Variants in ATP9B observed in about 807,000 individuals in gnomAD.
ATP9B encodes the protein probable phospholipid-transporting ATPase IIB.
A neutral mutation model predicts 146.1 loss-of-function variants in ATP9B; 110 were observed. That is an observed-to-expected ratio of 0.75 (90% CI 0.65 to 0.88). ATP9B has a LOEUF of 0.88. Among genes scored for constraint, ATP9B ranks in the 40% least tolerant of loss-of-function variants. The pLI is 0.00. For missense variants in ATP9B, 1,499 were observed against 1,496.4 expected, an observed-to-expected ratio of 1.00 and a Z score of -0.03; for synonymous variants, 604 against 569.7, an observed-to-expected ratio of 1.06 and a Z score of -0.86.
At chr18:79,370,602 C>T (rs566279449) in intron 26 of ATP9B, among the ~76,000 whole-genome samples, 5 of 152,246 alleles carry the variant, frequency 3.3e-5, no homozygotes, top group African/African-American at 1.2e-4. Context: ...GTCTGGGAGC[C>T]ATTAATAGGA....
At chr18:79,370,310 A>G (rs55711855) in intron 26 of ATP9B, among the ~76,000 whole-genome samples, 34,496 of 152,086 alleles carry the variant, frequency 0.23, 4,532 homozygotes, top group East Asian at 0.45. Flanking sequence ...TATTACTTCT[A>G]TTTCACAGAG....
At chr18:79,161,175 C>T (rs574572405) in intron 7 of ATP9B, among the ~76,000 whole-genome samples, 1 of 150,164 alleles carries the variant, frequency 6.7e-6, no homozygotes, top group South Asian at 2.1e-4. Context: ...TAGAACATGA[C>T]TCAAATGAGA....
At chr18:79,348,627 C>T (rs183547566) in intron 25 of ATP9B, among the ~76,000 whole-genome samples, 59 of 152,324 alleles carry the variant, frequency 3.9e-4, no homozygotes, top group African/African-American at 1.2e-3. Context: ...TGGCATGCTT[C>T]GAAGCAAACA....
intron 11 of ATP9B, among the ~76,000 whole-genome samples, chr18:79,228,789 T>C (rs996104742): frequency 6.6e-6 from 1 of 152,088 alleles, no homozygotes; most frequent in Non-Finnish European, 1.5e-5. Context: ...CTTTGGGAAG[T>C]CGTGGCAGGC....
chr18:79,342,188 G>A, intron 19 of ATP9B, 80 bp from the exon 20 acceptor site: 1 of 1,118,254 alleles, frequency 8.9e-7, no homozygotes, highest in Non-Finnish European at 1.4e-6. Context: ...CCACCTTTTG[G>A]CTGTTGTGAA....
At chr18:79,095,192 C>A (rs2074686500) in intron 1 of ATP9B, among the ~76,000 whole-genome samples, 1 of 152,110 alleles carries the variant, frequency 6.6e-6, no homozygotes, top group African/African-American at 2.4e-5. Context: ...CTTTCCTTCC[C>A]CTCACCAACA....
chr18:79,178,033 T>A (rs1228575936), intron 8 of ATP9B, among the ~76,000 whole-genome samples: 2 of 152,168 alleles, frequency 1.3e-5, no homozygotes, highest in African/African-American at 4.8e-5. Context: ...ATTGGAGAGG[T>A]TGGGCAGTTG....
chr18:79,105,102 C>G (rs184006140), intron 2 of ATP9B, among the ~76,000 whole-genome samples: 1 of 152,268 alleles, frequency 6.6e-6, no homozygotes, highest in Admixed American at 6.5e-5. Flanking sequence ...TCATGCTGTT[C>G]TTATTCAGGA....
At chr18:79,367,345 C>G (rs1447073388) in intron 26 of ATP9B, among the ~76,000 whole-genome samples, 4 of 136,094 alleles carry the variant, frequency 2.9e-5, no homozygotes, top group African/African-American at 2.8e-5. Flanking sequence ...CCTCCTCAAC[C>G]AGAGAGCACA....
chr18:79,196,226 G>A (rs2095416621), intron 9 of ATP9B, among the ~76,000 whole-genome samples: 1 of 152,184 alleles, frequency 6.6e-6, no homozygotes, highest in African/African-American at 2.4e-5. Flanking sequence ...TGCCAATTCT[G>A]TGGAGAGCAG....
intron 19 of ATP9B, among the ~76,000 whole-genome samples, chr18:79,339,124 A>G (rs887910821): frequency 3.3e-5 from 5 of 151,640 alleles, no homozygotes; most frequent in Non-Finnish European, 7.4e-5. Context: ...GTGTGCCATG[A>G]TCGAATTAGG....
chr18:79,376,926 T>G (rs2097106478), intron 29 of ATP9B, among the ~76,000 whole-genome samples: 1 of 152,134 alleles, frequency 6.6e-6, no homozygotes, highest in African/African-American at 2.4e-5. Context: ...CTCGAACTCC[T>G]GACTTCAAGT....
At chr18:79,149,125 T>C (rs950514730) in intron 6 of ATP9B, among the ~76,000 whole-genome samples, 4 of 152,238 alleles carry the variant, frequency 2.6e-5, no homozygotes, top group African/African-American at 9.6e-5. Context: ...CCTATCAAAG[T>C]CTCAGCAGGG....
chr18:79,127,743 A>G (rs1002902776), intron 5 of ATP9B, among the ~76,000 whole-genome samples: 1 of 152,084 alleles, frequency 6.6e-6, no homozygotes, highest in African/African-American at 2.4e-5. Context: ...AGATTGCTGG[A>G]TTATTTGGTA....
intron 1 of ATP9B, chr18:79,087,542 T>A (rs561184449): frequency 1.3e-5 from 2 of 152,318 alleles, no homozygotes; most frequent in South Asian, 4.1e-4. Flanking sequence ...GCAGGCAAAG[T>A]GGGAGTGTTT....
intron 27 of ATP9B, 72 bp from the exon 28 acceptor site, chr18:79,373,826 G>A: frequency 6.5e-7 from 1 of 1,534,646 alleles, no homozygotes; most frequent in Non-Finnish European, 9.0e-7. Context: ...GACGTTGCTG[G>A]TTCAAGGCTG....
rs148590629 is a variant in ATP9B, at chr18:79,140,607, T to G, written c.668-3195T>G. Among the ~76,000 whole-genome samples, 233 of 151,920 alleles carry G rather than the reference T, an allele frequency of 1.5e-3. 1 individual carries two copies. Among genetic ancestry groups the G allele is most frequent in the African/African-American group, 5.4e-3 (224 of 41,398 alleles). On this transcript the variant is annotated intron_variant, in intron 5 of 29. Transcript: ENST00000426216. The stretch of plus-strand genomic sequence containing the variant: ...CTGGCCCACATGGCAAAACCCTGTC[T>G]CTACTAAAAATACAAAAAAAAAAAT...
chr18:79,147,444 A>G (rs942622666), intron 6 of ATP9B, among the ~76,000 whole-genome samples: 1 of 152,218 alleles, frequency 6.6e-6, no homozygotes, highest in Non-Finnish European at 1.5e-5. Context: ...TTTCTGTACC[A>G]TAAACCTCAA....
rs879499504 is a variant in ATP9B at position 79,083,847 on chromosome 18, C to T, written c.120-12629C>T. Among the ~76,000 whole-genome samples, 26 of 151,848 alleles carry T rather than the reference C, an allele frequency of 1.7e-4. 1 individual carries two copies. In the South Asian group the frequency reaches 2.3e-3, roughly 13 times the overall value. On this transcript the variant is annotated intron_variant, in intron 1 of 29. Coordinates refer to ENST00000426216, the MANE Select transcript of ATP9B (RefSeq NM_198531.5). The stretch of plus-strand genomic sequence containing the variant: ...TTGGGAGCTGCAGACCAGAGCTGTT[C>T]CTATTGACCATCTTCTTCTTTTTTT...
Sources: allele counts gnomAD v4.1 joint callset (sites outside exome capture counted in the v4.1 genomes callset), GRCh38; gene constraint gnomAD v4.1.1; transcripts MANE v1.5; gene names NCBI Gene and HGNC (gene_info 2026-07-23, HGNC 2026-07-21).